The following FOCAD variants were observed in gnomAD, a reference collection of about 807,000 sequenced individuals.
The protein encoded by FOCAD is focadhesin, also known as KIAA1797.
FOCAD carries 198 observed loss-of-function variants against 225.6 expected under a neutral mutation model. The observed-to-expected ratio is 0.88, with a 90% confidence interval of 0.78 to 0.99. The LOEUF (loss-of-function observed/expected upper bound fraction) is 0.99. Ranked by LOEUF, FOCAD falls within the 50% of genes least tolerant of loss-of-function variation. The probability of loss-of-function intolerance (pLI) is 0.00; values close to 1 mark genes in which losing one functional copy is unlikely to be tolerated. For missense variants in FOCAD, 2,713 were observed against 2,123.6 expected (o/e 1.28, Z -5.46); for synonymous variants, 897 against 755.0 (o/e 1.19, Z -3.08).
chr9:20,746,536 G>GA (rs1828050945), intron 5 of FOCAD, among the ~76,000 whole-genome samples: 1 of 152,146 alleles, frequency 6.6e-6, no homozygotes, highest in South Asian at 2.1e-4. Flanking sequence ...AGACTCCCAT[G>GA]TACCATTTAC....
In FOCAD at chr9:20,893,689, T is replaced by C. The variant is rs181353468; in HGVS notation, c.2625+8459T>C. On this transcript the variant is annotated intron_variant, in intron 21 of 43. Transcript: ENST00000338382. ...TGAATTTAGATGTGCTCTGTCCTCA[T>C]TTGTAAAAACAGACTTTATTTTTTA... Among the ~76,000 whole-genome samples, 22 of 152,202 alleles carry C rather than the reference T, an allele frequency of 1.4e-4. No individual in the cohort carries two copies. The East Asian group carries it at 4.1e-3, about 28-fold the overall frequency.
At chr9:20,764,296 C>T (rs1050335933) in intron 6 of FOCAD, among the ~76,000 whole-genome samples, 3 of 152,132 alleles carry the variant, frequency 2.0e-5, no homozygotes, top group African/African-American at 4.8e-5. Flanking sequence ...GCTCTGTTGC[C>T]AGGCTGGAGT....
chr9:20,957,443 T>C (rs1055298819), intron 35 of FOCAD: 1 of 151,472 alleles, frequency 6.6e-6, no homozygotes, highest in Admixed American at 6.6e-5. Flanking sequence ...TTGGTCATTT[T>C]TAAAATTTCA....
At chr9:20,760,217 C>G (rs949105452) in intron 6 of FOCAD, among the ~76,000 whole-genome samples, 1 of 152,236 alleles carries the variant, frequency 6.6e-6, no homozygotes, top group Admixed American at 6.5e-5. Flanking sequence ...TCAAACTGCA[C>G]TTGCAGTGCA....
intron 15 of FOCAD, among the ~76,000 whole-genome samples, chr9:20,862,234 T>A (rs1828836434): frequency 6.6e-6 from 1 of 152,056 alleles, no homozygotes; most frequent in Non-Finnish European, 1.5e-5. Flanking sequence ...CCTGCTTTGT[T>A]TCAGGGGCTG....
At chr9:20,699,042 A>G (rs1823621514) in intron 1 of FOCAD, among the ~76,000 whole-genome samples, 1 of 152,184 alleles carries the variant, frequency 6.6e-6, no homozygotes, top group African/African-American at 2.4e-5. Context: ...CTTACCTCAG[A>G]CTTTCAGCTT....
At chr9:20,943,126 T>C (rs1411532592) in intron 28 of FOCAD, among the ~76,000 whole-genome samples, 2 of 152,230 alleles carry the variant, frequency 1.3e-5, no homozygotes, top group African/African-American at 4.8e-5. Flanking sequence ...TACATTCATA[T>C]TAATCAAGAG....
intron 5 of FOCAD, among the ~76,000 whole-genome samples, chr9:20,754,312 C>A (rs1327680735): frequency 6.6e-6 from 1 of 152,136 alleles, no homozygotes; most frequent in Non-Finnish European, 1.5e-5. Flanking sequence ...AAAATAACTT[C>A]ATTTTCTATC....
chr9:20,741,676 C>CTTTT (rs10675694), intron 5 of FOCAD, among the ~76,000 whole-genome samples: 6,411 of 86,980 alleles, frequency 0.074, 616 homozygotes, highest in Middle Eastern at 0.16. Flanking sequence ...GGTAAATATG[C>CTTTT]TTTTTTTTTT....
intron 35 of FOCAD, chr9:20,957,705 G>A (rs939532506): frequency 2.7e-5 from 2 of 74,210 alleles, no homozygotes; most frequent in African/African-American, 5.5e-5. Flanking sequence ...TTTTTTTTTA[G>A]TGGGGTTTTT....
chr9:20,663,459 A>G (rs1587174134), intron 2 of FOCAD, among the ~76,000 whole-genome samples: 1 of 145,272 alleles, frequency 6.9e-6, no homozygotes, highest in Non-Finnish European at 1.5e-5. Flanking sequence ...TACTACATGT[A>G]TGCATGTGTG....
At chr9:20,660,064 T>G (rs1821667777) in intron 2 of FOCAD, among the ~76,000 whole-genome samples, 2 of 152,198 alleles carry the variant, frequency 1.3e-5, no homozygotes, top group African/African-American at 4.8e-5. Context: ...GAGTTTGGTT[T>G]TTTGAGATGT....
Position 20,740,240 on chromosome 9 carries a change from A to C in FOCAD, c.292A>C (p.Thr98Pro). The C allele has an allele frequency of 6.3e-7, 1 of 1,592,380 alleles. No individual in the cohort carries two copies. The highest frequency in any genetic ancestry group is 1.1e-5 in the South Asian group (1 of 88,176). Reference protein sequence around the residue: ...ILNLIPSTRNTHGLIKAIMHL... With the variant: ...ILNLIPSTRNPHGLIKAIMHL... ...ACATGCTATATTTCTTTGCAGAAATACACATGGCTTGATAAAAGCCATTAT... is the reference window on the plus strand; with the variant it reads ...ACATGCTATATTTCTTTGCAGAAATCCACATGGCTTGATAAAAGCCATTAT... The change falls in exon 5 of 44, where the codon ACA becomes CCA. Residue 98 changes from threonine to proline, a missense_variant. Thr to Pro is a conservative substitution (Grantham distance 38). Transcript: ENST00000338382.
At chr9:20,895,714 T>C (rs1832023225) in intron 21 of FOCAD, among the ~76,000 whole-genome samples, 1 of 151,966 alleles carries the variant, frequency 6.6e-6, no homozygotes, top group South Asian at 2.1e-4. Flanking sequence ...ATTTTTGTAT[T>C]GTAACCTTGT....
At chr9:20,818,774 T>C (rs961417962) in intron 11 of FOCAD, among the ~76,000 whole-genome samples, 1 of 152,132 alleles carries the variant, frequency 6.6e-6, no homozygotes, top group Non-Finnish European at 1.5e-5. Context: ...TACTTTAGCT[T>C]TGTGGTAAAT....
chr9:20,903,808 T>C (rs1832740995), intron 21 of FOCAD, among the ~76,000 whole-genome samples: 1 of 151,992 alleles, frequency 6.6e-6, no homozygotes, highest in South Asian at 2.1e-4. Context: ...ACATATACAA[T>C]GTTGTACAAC....
At chr9:20,815,765 G>A (rs1026330594) in intron 11 of FOCAD, among the ~76,000 whole-genome samples, 1 of 152,056 alleles carries the variant, frequency 6.6e-6, no homozygotes, top group Non-Finnish European at 1.5e-5. Flanking sequence ...TATTAAAGGC[G>A]AAATCTGAGC....
intron 15 of FOCAD, among the ~76,000 whole-genome samples, chr9:20,854,012 A>G (rs969208463): frequency 4.6e-5 from 7 of 151,870 alleles, no homozygotes; most frequent in Admixed American, 4.6e-4. Flanking sequence ...AGAGGGCTTC[A>G]CTGCGTGATG....
chr9:20,683,404 A>G (rs933851088), upstream of FOCAD: 1 of 152,130 alleles, frequency 6.6e-6, no homozygotes, highest in Non-Finnish European at 1.5e-5. Flanking sequence ...CATCTTGCGT[A>G]AAATTTCCAT....
Sources: allele counts gnomAD v4.1 joint callset (sites outside exome capture counted in the v4.1 genomes callset), GRCh38; gene constraint gnomAD v4.1.1; transcripts MANE v1.5; gene names NCBI Gene and HGNC (gene_info 2026-07-23, HGNC 2026-07-21).